FRY: variants seen among roughly 807,000 people sequenced by gnomAD.
FRY encodes the protein protein furry homolog.
In FRY, 128 loss-of-function variants were observed where a neutral mutation model predicts 348.4. The ratio of observed to expected loss-of-function variants is 0.37; its 90% CI spans 0.32 to 0.43. The LOEUF is 0.43. FRY is among the 20% of genes least tolerant of loss of function. FRY has a pLI of 1.00. For synonymous variants in FRY, 1,370 were observed against 1,374.7 expected, an observed-to-expected ratio of 1.00 and a Z score of 0.08; for missense variants, 2,736 against 3,695.2, an observed-to-expected ratio of 0.74 and a Z score of 6.73.
rs1196581927 is a variant in FRY at position 32,031,833 on chromosome 13, G to A, written c.38G>A (p.Ser13Asn). 6.2e-7 allele frequency: 1 copy of A among 1,603,028 alleles called. No individual in the cohort carries two copies. Among genetic ancestry groups the A allele is most frequent in the Admixed American group, 1.7e-5 (1 of 60,018 alleles). Reference sequence around the variant, plus strand: ...CAGGATTCGGGCTTCTTTGAGATCAGTATCAAATATTTACTGAAATCCTGG... The same window carrying A: ...CAGGATTCGGGCTTCTTTGAGATCAATATCAAATATTTACTGAAATCCTGG... ...SQQDSGFFEI[S>N]IKYLLKSWSN... The change falls in exon 1 of 61, where the codon AGT becomes AAT. Residue 13 changes from serine to asparagine, a missense_variant. Around this residue, in one of 9 missense-constraint regions of FRY, gnomAD observed 309 missense variants for 418.1 expected, o/e 0.74. Transcript: ENST00000542859.
At chr13:32,286,147 C>T (rs1014766658) in intron 58 of FRY, among the ~76,000 whole-genome samples, 10 of 152,096 alleles carry the variant, frequency 6.6e-5, no homozygotes, top group Non-Finnish European at 1.2e-4. Context: ...TTACATTTGT[C>T]GATACTAATT....
At chr13:32,284,566 A>C (rs1043329112) in intron 58 of FRY, among the ~76,000 whole-genome samples, 2 of 152,208 alleles carry the variant, frequency 1.3e-5, no homozygotes, top group Non-Finnish European at 2.9e-5. Context: ...TCATAGGTGT[A>C]TTTATCTTTC....
At chr13:32,173,970 T>C (rs935734964) in intron 19 of FRY, among the ~76,000 whole-genome samples, 2 of 152,224 alleles carry the variant, frequency 1.3e-5, no homozygotes, top group African/African-American at 4.8e-5. Flanking sequence ...TTAATCTTGA[T>C]GATGGTAGAA....
chr13:32,292,949 A>G (rs1889450377), intron 59 of FRY, among the ~76,000 whole-genome samples: 1 of 152,204 alleles, frequency 6.6e-6, no homozygotes, highest in Admixed American at 6.5e-5. Flanking sequence ...CAGCAAAAAG[A>G]TAATTACTCA....
rs778675954 is a variant in FRY, at chr13:32,225,051, A to G, written c.5020+15A>G. 5 of 1,406,486 alleles carry G rather than the reference A, an allele frequency of 3.6e-6. No individual in the cohort carries two copies. The highest frequency in any genetic ancestry group is 4.0e-6 in the Non-Finnish European group (4 of 990,098). 87.1% of individuals were successfully genotyped at this position (1,406,486 alleles called of 1,614,324 possible). On this transcript the variant is annotated intron_variant, in intron 38 of 60. Transcript: ENST00000542859. ...TGTCTTCTTAGGTAAGACTGGATCT[A>G]AAAGGCATTCTAGCCAATCGGGTTA... is the stretch of plus-strand genomic sequence containing the variant.
intron 1 of FRY, among the ~76,000 whole-genome samples, chr13:32,056,818 G>A (rs74044369): frequency 0.01 from 1,567 of 152,186 alleles, 34 homozygotes; most frequent in African/African-American, 0.036. Context: ...AGACTAACAT[G>A]TATGTATCTC....
intron 55 of FRY, among the ~76,000 whole-genome samples, chr13:32,273,560 G>A (rs1462027630): frequency 8.5e-5 from 13 of 152,138 alleles, no homozygotes; most frequent in Non-Finnish European, 1.5e-5. Flanking sequence ...CCGGTGATGA[G>A]GATTAATGAG....
chr13:32,286,681 A>C (rs1889072727), intron 58 of FRY, among the ~76,000 whole-genome samples: 1 of 133,630 alleles, frequency 7.5e-6, no homozygotes, highest in Non-Finnish European at 1.5e-5. Flanking sequence ...CGGGAGGTGG[A>C]GCTTGCAGTG....
Position 32,208,954 on chromosome 13 carries a change from C to T in FRY, c.4120C>T (p.Leu1374Phe). 1 of 1,614,168 alleles carries T rather than the reference C, an allele frequency of 6.2e-7. No homozygotes were observed. The highest frequency in any genetic ancestry group is 8.5e-7 in the Non-Finnish European group (1 of 1,180,024). ...CAACATCGAGCTGGTGGACAGCAGG[C>T]TCCTCCTCCCGGGGTCGAGCCCCAG... ...LHNIELVDSRLLLPGSSPSSP... is the reference protein window; with the variant it reads ...LHNIELVDSRFLLPGSSPSSP... Residue 1374 changes from leucine to phenylalanine, a missense_variant, in exon 32 of 61, where the codon CTC (leucine) becomes TTC (phenylalanine). Leu to Phe is a conservative substitution (Grantham distance 22, BLOSUM62 0). This residue lies in a region of FRY where 794 missense variants were observed against 977.0 expected (regional missense o/e 0.81). Transcript: ENST00000542859.
chr13:32,178,997 G>A lies in FRY; in HGVS notation c.2835G>A (p.Ala945=), dbSNP rs146037501. 106 of 1,613,760 alleles carry A rather than the reference G, an allele frequency of 6.6e-5. No homozygotes were observed. The African/African-American group carries it at 1.3e-3, about 19-fold the overall frequency. ...HLRASTPEIM[A]TTPDGTVSYD... is the part of the protein sequence containing the mutation. ...GAGCTTCCACTCCAGAAATAATGGC[G>A]ACCACACCTGATGGTACAGTGAGCT... is the stretch of plus-strand genomic sequence containing the variant. The change falls in exon 22 of 61, where the codon GCG becomes GCA. Residue 945 remains alanine (A), a synonymous_variant. Coordinates refer to ENST00000542859, the MANE Select transcript of FRY (RefSeq NM_023037.3).
At chr13:32,086,896 G>A (rs1164222427) in intron 2 of FRY, among the ~76,000 whole-genome samples, 1 of 152,166 alleles carries the variant, frequency 6.6e-6, no homozygotes, top group African/African-American at 2.4e-5. Flanking sequence ...GGTTGCTTGA[G>A]CCTTAGTAGC....
At chr13:32,282,577 C>T (rs1010947024) in intron 58 of FRY, among the ~76,000 whole-genome samples, 10 of 152,140 alleles carry the variant, frequency 6.6e-5, no homozygotes, top group Admixed American at 3.3e-4. Context: ...CAGTCTGGTC[C>T]GGTCTTTGCC....
rs192273346 is a variant in FRY at position 32,255,949 on chromosome 13, T to C, written c.7416+1555T>C. Among the ~76,000 whole-genome samples, 272 of 152,290 alleles carry C rather than the reference T, an allele frequency of 1.8e-3. 2 individuals are homozygous for C. The highest frequency in any genetic ancestry group is 6.4e-3 in the African/African-American group (265 of 41,570). On this transcript the variant is annotated intron_variant, in intron 51 of 60. Coordinates refer to ENST00000542859, the MANE Select transcript of FRY (RefSeq NM_023037.3). ...AAAAACGGATGAAGCAAGAGAGGCA[T>C]CATTTCCTGTCTCGGCCAGAGAAAA...
At chr13:32,072,924 T>C (rs949764795) in intron 1 of FRY, among the ~76,000 whole-genome samples, 1 of 152,244 alleles carries the variant, frequency 6.6e-6, no homozygotes, top group Non-Finnish European at 1.5e-5. Flanking sequence ...TAAGATTACA[T>C]TGATCTCTAT....
intron 24 of FRY, 139 bp downstream of exon 24, chr13:32,183,173 T>C: frequency 1.7e-6 from 1 of 590,762 alleles, no homozygotes; most frequent in Non-Finnish European, 3.0e-6. Flanking sequence ...TTAACTTTTG[T>C]TGTTTTTATT....
At chr13:32,039,184 C>T (rs1036655890) in intron 1 of FRY, among the ~76,000 whole-genome samples, 3 of 152,164 alleles carry the variant, frequency 2.0e-5, no homozygotes, top group Non-Finnish European at 4.4e-5. Flanking sequence ...TCTGTAAGAA[C>T]AATTTCAAAT....
intron 2 of FRY, among the ~76,000 whole-genome samples, chr13:32,089,627 T>C (rs1001361413): frequency 2.0e-5 from 3 of 152,108 alleles, no homozygotes; most frequent in South Asian, 4.1e-4. Flanking sequence ...ACAAAAAAAT[T>C]AGCCAGGCGT....
chr13:32,227,228 G>A (rs76298865), intron 39 of FRY, among the ~76,000 whole-genome samples: 13,318 of 152,176 alleles, frequency 0.088, 745 homozygotes, highest in East Asian at 0.18. Flanking sequence ...CAAAGATTAT[G>A]GGAAATGTTC....
At chr13:32,062,263 G>T (rs1566050080) in intron 1 of FRY, among the ~76,000 whole-genome samples, 1 of 151,636 alleles carries the variant, frequency 6.6e-6, no homozygotes, top group Non-Finnish European at 1.5e-5. Flanking sequence ...GGAAAAGGTT[G>T]CATCATTATA....
Sources: allele counts gnomAD v4.1 joint callset (sites outside exome capture counted in the v4.1 genomes callset), GRCh38; gene constraint gnomAD v4.1.1; regional missense constraint gnomAD v4.1.1; transcripts MANE v1.5; gene names NCBI Gene and HGNC (gene_info 2026-07-23, HGNC 2026-07-21).